Variants in NOTCH2 observed in about 807,000 individuals in gnomAD.
NOTCH2 encodes the protein notch receptor 2.
In NOTCH2, 29 loss-of-function variants were observed where a neutral mutation model predicts 235.8. That is an observed-to-expected ratio of 0.12 (90% CI 0.09 to 0.17). The LOEUF is 0.17. Among genes scored for constraint, NOTCH2 ranks in the 10% least tolerant of loss-of-function variants. The pLI is 1.00. For missense variants in NOTCH2, 2,285 were observed against 3,150.2 expected (o/e 0.73, Z 6.57); for synonymous variants, 1,086 against 1,141.5 (o/e 0.95, Z 0.98).
intron 22 of NOTCH2, among the ~76,000 whole-genome samples, chr1:119,932,027 C>A (rs1649682051): frequency 7.0e-6 from 1 of 143,780 alleles, no homozygotes; most frequent in African/African-American, 2.5e-5. Flanking sequence ...TATATATAAA[C>A]AAAGAAACTG....
At chr1:119,943,070 A>C (rs1349055921) in intron 17 of NOTCH2, among the ~76,000 whole-genome samples, 1 of 151,978 alleles carries the variant, frequency 6.6e-6, no homozygotes, top group Non-Finnish European at 1.5e-5. Context: ...ACCAGGTTTC[A>C]CCATGTGGCC....
Position 119,916,712 on chromosome 1 carries a change from C to A in NOTCH2, c.6028-18G>T. 1.2e-6 allele frequency: 2 copies of A among 1,613,426 alleles called. No homozygotes were observed. Among genetic ancestry groups the A allele is most frequent in the Non-Finnish European group, 1.7e-6 (2 of 1,179,540 alleles). ...GTCTCTTCCTACAGAAAAGGCCCAT[C>A]ACAGAACACATGTTAATAACACTCT... On this transcript the variant is annotated intron_variant, in intron 33 of 33. Coordinates refer to ENST00000256646, the MANE Select transcript of NOTCH2 (RefSeq NM_024408.4).
At chr1:119,952,574 C>T (rs901680014) in intron 14 of NOTCH2, among the ~76,000 whole-genome samples, 3 of 152,212 alleles carry the variant, frequency 2.0e-5, no homozygotes, top group South Asian at 4.2e-4. Context: ...CAATAGGGTT[C>T]GCAGTCCTAT....
At chr1:119,928,794 C>T (rs1041419102) in intron 23 of NOTCH2, among the ~76,000 whole-genome samples, 182 bp downstream of exon 23, 2 of 152,148 alleles carry the variant, frequency 1.3e-5, no homozygotes, top group Admixed American at 1.3e-4. Context: ...TAAAGGTAGA[C>T]ACTGATCATA....
At chr1:120,038,893 C>T (rs367920236) in intron 1 of NOTCH2, among the ~76,000 whole-genome samples, 3,631 of 151,724 alleles carry the variant, frequency 0.024, 61 homozygotes, top group South Asian at 0.1. Context: ...CCACTCTTAG[C>T]CTCCTATAAA....
At chr1:119,981,521 A>G (rs1307736196) in intron 5 of NOTCH2, among the ~76,000 whole-genome samples, 1 of 152,232 alleles carries the variant, frequency 6.6e-6, no homozygotes, top group Non-Finnish European at 1.5e-5. Flanking sequence ...TTAGAGAGCC[A>G]TGAAGTTAAA....
Position 119,917,655 on chromosome 1 carries a change from C to G in NOTCH2, c.6027+10G>C, listed in dbSNP as rs774867522. ...TGAGCCTCCTCAAGCTCAGAGCCCA[C>G]AAACTGTACCTTGTTGTCCTGCATG... On this transcript the variant is annotated intron_variant, in intron 33 of 33. Coordinates refer to ENST00000256646, the MANE Select transcript of NOTCH2 (RefSeq NM_024408.4). 6.3e-7 allele frequency: 1 copy of G among 1,594,832 alleles called. No individual in the cohort carries two copies. Among genetic ancestry groups the G allele is most frequent in the Admixed American group, 1.7e-5 (1 of 60,004 alleles).
chr1:119,944,359 C>A (rs1406886621), intron 17 of NOTCH2, among the ~76,000 whole-genome samples: 1 of 151,942 alleles, frequency 6.6e-6, no homozygotes, highest in South Asian at 2.1e-4. Flanking sequence ...CACGGTGAAA[C>A]CCCATCTCTA....
At chr1:119,947,088 G>A (rs1650285564) in intron 17 of NOTCH2, among the ~76,000 whole-genome samples, 1 of 152,062 alleles carries the variant, frequency 6.6e-6, no homozygotes, top group Admixed American at 6.5e-5. Context: ...ACTTTTAGAA[G>A]AAACCACAGT....
rs746605654 is a variant in NOTCH2, at chr1:119,923,855, C to T, written c.4641G>A (p.Leu1547=). The T allele has an allele frequency of 4.3e-6, 7 of 1,614,046 alleles. No individual in the cohort carries two copies. The African/African-American group carries it at 5.3e-5, about 12-fold the overall frequency. The change falls in exon 26 of 34, where the codon CTG becomes CTA. Residue 1547 remains leucine (L), a synonymous_variant. Transcript: ENST00000256646. ...CAGGTGGCATCAATACCACAATAAC[C>T]AGGGTACCTTCTGCCAGGTTCTCAG... ...DQPENLAEGT[L]VIVVLMPPEQ...
At chr1:119,957,829 AACACACACACACACAC>A (rs3222739) in intron 12 of NOTCH2, among the ~76,000 whole-genome samples, 126 of 116,498 alleles carry the variant, frequency 1.1e-3, no homozygotes, top group East Asian at 4.8e-3. Flanking sequence ...GCCTTATATA[AACACACACACACACAC>A]ACACACACAC....
At position 119,915,596 on chromosome 1, in the gene NOTCH2, AAGGATGATAGGCTGGGAG is replaced by A; in HGVS notation, c.7108_7125del (p.Leu2370_Pro2375del). ...GGGTACTTGCCCACAGAGGCTGGGA[AAGGATGATAGGCTGGGAG>A]AATGGTCTGAGCTACCTGCCCGTCC... On this transcript the variant is annotated inframe_deletion, in exon 34 of 34. Transcript: ENST00000256646. 1 of 1,614,016 alleles carries A rather than the reference AAGGATGATAGGCTGGGAG, an allele frequency of 6.2e-7. No homozygotes were observed.
At chr1:119,918,880 C>A (rs1649174660) in intron 31 of NOTCH2, among the ~76,000 whole-genome samples, 1 of 152,174 alleles carries the variant, frequency 6.6e-6, no homozygotes, top group African/African-American at 2.4e-5. Context: ...CCAATTTCCT[C>A]ATAAGGATAA....
chr1:119,926,697 A>T lies in NOTCH2; in HGVS notation c.3893-86T>A. The T allele has an allele frequency of 4.8e-6, 5 of 1,051,568 alleles. No individual in the cohort carries two copies. In the South Asian group the frequency reaches 6.8e-5, roughly 14 times the overall value. The allele number at this position is 1,051,568 out of a possible 1,614,324, so 65.1% of individuals were successfully genotyped here. A position where few individuals can be genotyped will look rare whatever the true frequency, so the allele number is the denominator to read the frequency against. Reference sequence around the variant, plus strand: ...AACAAACTTTGCTGGGATGGGAACTAGCCATAGGTGAAGCAAGTGTGAGAG... The same window carrying T: ...AACAAACTTTGCTGGGATGGGAACTTGCCATAGGTGAAGCAAGTGTGAGAG... On this transcript the variant is annotated intron_variant, in intron 23 of 33. Coordinates refer to ENST00000256646, the MANE Select transcript of NOTCH2 (RefSeq NM_024408.4).
intron 17 of NOTCH2, among the ~76,000 whole-genome samples, chr1:119,945,285 T>G (rs587702103): frequency 6.6e-6 from 1 of 152,242 alleles, no homozygotes; most frequent in African/African-American, 2.4e-5. Flanking sequence ...AATACTCAAT[T>G]ATTTCAAAAG....
chr1:119,929,756 G>T (rs1329857547), intron 22 of NOTCH2, among the ~76,000 whole-genome samples: 1 of 152,164 alleles, frequency 6.6e-6, no homozygotes, highest in Non-Finnish European at 1.5e-5. Context: ...ATTCAGTGTA[G>T]CTTAGGTGTA....
At chr1:120,067,558 C>A (rs1459072782) in intron 1 of NOTCH2, among the ~76,000 whole-genome samples, 2 of 152,064 alleles carry the variant, frequency 1.3e-5, no homozygotes, top group African/African-American at 4.8e-5. Context: ...CAGGTTATTC[C>A]TTTAGTCCTG....
intron 22 of NOTCH2, among the ~76,000 whole-genome samples, chr1:119,933,016 T>C (rs1649722865): frequency 6.6e-6 from 1 of 152,150 alleles, no homozygotes; most frequent in African/African-American, 2.4e-5. Flanking sequence ...ATAGAGTAAA[T>C]TGAAAACAAA....
rs868939483 is a variant in NOTCH2 at position 120,012,264 on chromosome 1, T to C, written c.156-6676A>G. Among the ~76,000 whole-genome samples, 1,207 of 140,678 alleles carry C rather than the reference T, an allele frequency of 8.6e-3. 1 individual carries two copies. Among genetic ancestry groups the C allele is most frequent in the African/African-American group, 0.032 (1,156 of 36,482 alleles). 92.3% of individuals were successfully genotyped at this position (140,678 alleles called of 152,430 possible). A position where few individuals can be genotyped will look rare whatever the true frequency, so the allele number is the denominator to read the frequency against. On this transcript the variant is annotated intron_variant, in intron 2 of 33. Transcript: ENST00000256646. ...TGATCTGGACACTATGCTTTTACTA[T>C]TTCAGAGTAAGTTCTTAAACTGAGG...
Sources: allele counts gnomAD v4.1 joint callset (sites outside exome capture counted in the v4.1 genomes callset), GRCh38; gene constraint gnomAD v4.1.1; transcripts MANE v1.5; gene names NCBI Gene and HGNC (gene_info 2026-07-23, HGNC 2026-07-21).